The following PYHIN1 variants were observed in gnomAD, a reference collection of about 807,000 sequenced individuals.
The protein encoded by PYHIN1 is pyrin and HIN domain family member 1, also known as pyrin and HIN domain-containing protein 1.
PYHIN1 carries 32 observed loss-of-function variants against 43.7 expected under a neutral mutation model. That is an observed-to-expected ratio of 0.73 (90% CI 0.55 to 0.98). The LOEUF (loss-of-function observed/expected upper bound fraction) is 0.98, where lower values mean the gene tolerates loss of function less well. Among genes scored for constraint, PYHIN1 ranks in the 50% least tolerant of loss-of-function variants. PYHIN1 has a pLI of 0.00. For missense variants in PYHIN1, 588 were observed against 589.5 expected (o/e 1.00, Z 0.03); for synonymous variants, 205 against 203.1 (o/e 1.01, Z -0.08).
intron 5 of PYHIN1, among the ~76,000 whole-genome samples, 187 bp downstream of exon 5, chr1:158,942,586 A>G (rs1648987976): frequency 6.6e-6 from 1 of 152,204 alleles, no homozygotes. Context: ...TAATGTTCTC[A>G]TTCTTTCCAA....
chr1:158,936,835 T>A, intron 1 of PYHIN1, 56 bp from the exon 2 acceptor site: 1 of 1,205,924 alleles, frequency 8.3e-7, no homozygotes, highest in Non-Finnish European at 1.1e-6. Context: ...GGCATACATC[T>A]TCTTTTAAAT....
chr1:158,950,822 T>C (rs368077292), intron 7 of PYHIN1, among the ~76,000 whole-genome samples: 45 of 152,280 alleles, frequency 3.0e-4, no homozygotes, highest in African/African-American at 1.1e-3. Context: ...GCCTGTGGAA[T>C]GTTGGCTATT....
the PYHIN1 span, among the ~76,000 whole-genome samples, chr1:158,988,058 G>C: frequency 2.9e-4 from 44 of 152,276 alleles, 2 homozygotes; most frequent in South Asian, 8.9e-3. Flanking sequence ...AGTAGGCACA[G>C]GACAGATTCT....
At chr1:158,963,914 C>G (rs921271043) in intron 7 of PYHIN1, among the ~76,000 whole-genome samples, 1 of 152,010 alleles carries the variant, frequency 6.6e-6, no homozygotes, top group Non-Finnish European at 1.5e-5. Flanking sequence ...AAATAGAATT[C>G]AGAATATGGG....
At position 158,933,383 on chromosome 1, in the gene PYHIN1, A is replaced by T. The variant is rs6427461; in HGVS notation, c.-21+1607A>T. Among the ~76,000 whole-genome samples the T allele has an allele frequency of 0.077, 11,747 of 151,766 alleles. 521 individuals carry two copies. Among genetic ancestry groups the T allele is most frequent in the Middle Eastern group, 0.18 (53 of 288 alleles). Reference sequence around the variant, plus strand: ...ATAAATCTATAATTTAAATTATTGTATCTTCCCAGGAATTCAACCTTTTAC... The same window carrying T: ...ATAAATCTATAATTTAAATTATTGTTTCTTCCCAGGAATTCAACCTTTTAC... On this transcript the variant is annotated intron_variant, in intron 1 of 8. Transcript: ENST00000368140. This position sits in a 1 kb window ranked among gnomAD's most constrained non-coding sequence, Gnocchi z 6.3.
chr1:158,965,067 A>G (rs1219984464), intron 7 of PYHIN1, among the ~76,000 whole-genome samples: 1 of 149,306 alleles, frequency 6.7e-6, no homozygotes, highest in Admixed American at 6.7e-5. Context: ...TAGAAAGCAG[A>G]AAAAAAAAAC....
intron 7 of PYHIN1, among the ~76,000 whole-genome samples, chr1:158,957,558 A>G (rs1292318253): frequency 6.6e-6 from 1 of 150,588 alleles, no homozygotes; most frequent in Non-Finnish European, 1.5e-5. Flanking sequence ...CCATATGTAG[A>G]AAGCTGAAAC....
chr1:158,973,512 C>CAA, intron 7 of PYHIN1, 135 bp from the exon 8 acceptor site: 1 of 752,612 alleles, frequency 1.3e-6, no homozygotes. Context: ...TTTTCACACA[C>CAA]ACACACACAC....
At chr1:158,986,546 T>C in the PYHIN1 span, among the ~76,000 whole-genome samples, 1 of 152,168 alleles carries the variant, frequency 6.6e-6, no homozygotes, top group Admixed American at 6.5e-5. Context: ...AAAAATGCTT[T>C]GGTGGGACAG....
At chr1:158,932,620 A>G (rs1206192265) in intron 1 of PYHIN1, among the ~76,000 whole-genome samples, 1 of 152,218 alleles carries the variant, frequency 6.6e-6, no homozygotes, top group East Asian at 1.9e-4. Flanking sequence ...TGTAAATAAT[A>G]TTATTCTACA....
intron 5 of PYHIN1, among the ~76,000 whole-genome samples, chr1:158,942,818 A>T (rs777323165): frequency 7.9e-5 from 12 of 152,186 alleles, no homozygotes; most frequent in Non-Finnish European, 1.2e-4. Flanking sequence ...CTTGAGTTCC[A>T]GTTTTGACAA....
intron 7 of PYHIN1, among the ~76,000 whole-genome samples, chr1:158,956,039 C>G (rs1649903707): frequency 6.8e-6 from 1 of 146,074 alleles, no homozygotes; most frequent in South Asian, 2.1e-4. Context: ...TACACTCTCC[C>G]AAGAGTAAAC....
intron 7 of PYHIN1, among the ~76,000 whole-genome samples, chr1:158,962,675 T>TCA (rs1557840043): frequency 6.6e-6 from 1 of 152,144 alleles, no homozygotes; most frequent in Non-Finnish European, 1.5e-5. Flanking sequence ...AAGGGCCTGG[T>TCA]CACTACACTG....
Position 158,962,964 on chromosome 1 carries a change from C to T in PYHIN1, c.1360-10683C>T, listed in dbSNP as rs192559080. ...ACAAAGACCCCGAGAGTTTCACCTG[C>T]GCTTCCAGCACACCACAGTCACCAT... is the stretch of plus-strand genomic sequence containing the variant. On this transcript the variant is annotated intron_variant, in intron 7 of 8. Transcript: ENST00000368140. Among the ~76,000 whole-genome samples the T allele has an allele frequency of 3.9e-5, 6 of 152,286 alleles. No homozygotes were observed. In the East Asian group the frequency reaches 5.8e-4, roughly 15 times the overall value.
intron 7 of PYHIN1, among the ~76,000 whole-genome samples, chr1:158,952,441 G>T (rs1649602687): frequency 6.6e-6 from 1 of 152,016 alleles, no homozygotes; most frequent in South Asian, 2.1e-4. Flanking sequence ...CAGGTGAACG[G>T]CTCCCCTTTT....
At chr1:158,957,906 C>A (rs1048412344) in intron 7 of PYHIN1, among the ~76,000 whole-genome samples, 17 of 151,292 alleles carry the variant, frequency 1.1e-4, no homozygotes, top group African/African-American at 3.6e-4. Context: ...AACAAATTTA[C>A]AAGAAAAAAA....
At chr1:158,938,373 A>G (rs1321601323) in intron 2 of PYHIN1, 24 bp from the exon 3 acceptor site, 1 of 1,613,682 alleles carries the variant, frequency 6.2e-7, no homozygotes, top group South Asian at 1.1e-5. Context: ...CTGGGTTTAT[A>G]CATCTTCCTT....
intron 7 of PYHIN1, among the ~76,000 whole-genome samples, chr1:158,951,119 G>C (rs981123131): frequency 6.6e-6 from 1 of 152,168 alleles, no homozygotes; most frequent in Non-Finnish European, 1.5e-5. Context: ...CTGTGAGCTC[G>C]AAATCTGGGC....
intron 7 of PYHIN1, 112 bp from the exon 8 acceptor site, chr1:158,973,535 A>T: frequency 1.9e-6 from 2 of 1,031,488 alleles, no homozygotes; most frequent in East Asian, 2.5e-5. Flanking sequence ...ACACACACAC[A>T]CATATACACA....
Sources: allele counts gnomAD v4.1 joint callset (sites outside exome capture counted in the v4.1 genomes callset), GRCh38; gene constraint gnomAD v4.1.1; non-coding constraint Gnocchi (gnomAD v3.1); transcripts MANE v1.5; gene names NCBI Gene and HGNC (gene_info 2026-07-23, HGNC 2026-07-21).